Variants in SLC4A10 observed in about 807,000 individuals in gnomAD.
SLC4A10 encodes solute carrier family 4 member 10, also known as sodium-driven chloride bicarbonate exchanger.
In SLC4A10, 42 loss-of-function variants were observed where a neutral mutation model predicts 137.7. The observed-to-expected ratio is 0.30, with a 90% CI of 0.24 to 0.39. The LOEUF (loss-of-function observed/expected upper bound fraction) is 0.39, where lower values mean the gene tolerates loss of function less well. Among genes scored for constraint, SLC4A10 ranks in the 10% least tolerant of loss-of-function variants. SLC4A10 has a pLI of 1.00. For missense variants in SLC4A10, 925 were observed against 1,355.0 expected (o/e 0.68, Z 4.98); for synonymous variants, 474 against 464.1 (o/e 1.02, Z -0.27).
In SLC4A10 at chr2:161,904,190, G is replaced by A. The variant is rs1391012832; in HGVS notation, c.1617+12G>A. The stretch of plus-strand genomic sequence containing the variant: ...CTGAAGGGCGTATAGTATGTATTAT[G>A]CTTTTCTCTGAACTTTGAAACATAA... On this transcript the variant is annotated intron_variant, in intron 13 of 26. Transcript: ENST00000446997. 1.3e-6 allele frequency: 2 copies of A among 1,587,318 alleles called. No individual in the cohort carries two copies. Among genetic ancestry groups the A allele is most frequent in the Non-Finnish European group, 1.7e-6 (2 of 1,165,770 alleles).
intron 10 of SLC4A10, among the ~76,000 whole-genome samples, chr2:161,885,517 G>C (rs1365921281): frequency 6.6e-6 from 1 of 152,008 alleles, no homozygotes; most frequent in Non-Finnish European, 1.5e-5. Context: ...CCTCAGTCAG[G>C]GTTCAATAAA....
intron 8 of SLC4A10, among the ~76,000 whole-genome samples, chr2:161,877,469 T>C (rs2061508336): frequency 6.6e-6 from 1 of 152,052 alleles, no homozygotes; most frequent in Admixed American, 6.6e-5. Context: ...AAATCTTCTA[T>C]TCCCTCCTTG....
chr2:161,836,250 C>A (rs939841349), intron 3 of SLC4A10, among the ~76,000 whole-genome samples: 1 of 152,182 alleles, frequency 6.6e-6, no homozygotes, highest in Admixed American at 6.5e-5. Flanking sequence ...GTAATCCCAG[C>A]ACTTTGGGAG....
chr2:161,974,885 A>T (rs1178308726), intron 24 of SLC4A10, among the ~76,000 whole-genome samples: 1 of 152,146 alleles, frequency 6.6e-6, no homozygotes. Context: ...TTGGCCCAGA[A>T]TTCTCCCCTC....
chr2:161,923,178 C>G (rs1688450884), intron 15 of SLC4A10, among the ~76,000 whole-genome samples: 1 of 152,098 alleles, frequency 6.6e-6, no homozygotes, highest in South Asian at 2.1e-4. Flanking sequence ...CACTCTGTAG[C>G]CATTTATATA....
At chr2:161,654,134 A>G (rs1040334694) in intron 1 of SLC4A10, among the ~76,000 whole-genome samples, 3 of 152,204 alleles carry the variant, frequency 2.0e-5, no homozygotes, top group Non-Finnish European at 4.4e-5. Flanking sequence ...ATGATTAGTG[A>G]CAATGACCGT....
At chr2:161,775,272 G>T (rs2052180158) in intron 2 of SLC4A10, among the ~76,000 whole-genome samples, 2 of 151,806 alleles carry the variant, frequency 1.3e-5, no homozygotes, top group Admixed American at 1.3e-4. Context: ...CAGGAACATG[G>T]TATGCAGCTA....
intron 1 of SLC4A10, among the ~76,000 whole-genome samples, chr2:161,665,945 T>C (rs975232692): frequency 6.8e-6 from 1 of 148,024 alleles, no homozygotes; most frequent in African/African-American, 2.4e-5. Context: ...ATTATATATA[T>C]ATATAATATA....
chr2:161,699,204 TAGAGAC>T (rs2042879353), intron 1 of SLC4A10, among the ~76,000 whole-genome samples: 1 of 152,008 alleles, frequency 6.6e-6, no homozygotes, highest in Non-Finnish European at 1.5e-5. Flanking sequence ...ATTTTTTTAG[TAGAGAC>T]GGGGTTTCAC....
intron 1 of SLC4A10, among the ~76,000 whole-genome samples, chr2:161,744,102 A>G (rs1208850194): frequency 6.6e-6 from 1 of 152,066 alleles, no homozygotes; most frequent in Non-Finnish European, 1.5e-5. Context: ...ATTCCTTTCC[A>G]ATTTGGATGG....
chr2:161,885,685 C>T (rs1345487271), intron 10 of SLC4A10, among the ~76,000 whole-genome samples: 3 of 152,180 alleles, frequency 2.0e-5, no homozygotes. Flanking sequence ...GTGTTGATCC[C>T]TTCACATTCT....
intron 15 of SLC4A10, among the ~76,000 whole-genome samples, chr2:161,935,179 G>A (rs752406123): frequency 3.3e-5 from 5 of 152,056 alleles, no homozygotes; most frequent in Non-Finnish European, 5.9e-5. Context: ...CATCTTTGTC[G>A]AAAATCATTT....
At position 161,881,477 on chromosome 2, in the gene SLC4A10, A is replaced by G. The variant is rs146929093; in HGVS notation, c.1107-880A>G. ...TTTGCCTCATGTAAAAACATGTACA[A>G]TCTCTAAAGATTACAACTAAATGAG... On this transcript the variant is annotated intron_variant, in intron 9 of 26. Coordinates refer to ENST00000446997, the MANE Select transcript of SLC4A10 (RefSeq NM_001178015.2). Among the ~76,000 whole-genome samples the G allele has an allele frequency of 6.7e-4, 102 of 152,156 alleles. 1 individual carries two copies. The East Asian group carries it at 0.016, about 24-fold the overall frequency.
At chr2:161,868,618 A>G (rs916929358) in intron 6 of SLC4A10, among the ~76,000 whole-genome samples, 1 of 151,716 alleles carries the variant, frequency 6.6e-6, no homozygotes, top group Non-Finnish European at 1.5e-5. Context: ...TGAATACTAT[A>G]TAATATATAT....
At chr2:161,935,494 C>T (rs1397878931) in intron 15 of SLC4A10, among the ~76,000 whole-genome samples, 1 of 152,014 alleles carries the variant, frequency 6.6e-6, no homozygotes, top group East Asian at 1.9e-4. Flanking sequence ...AATATCAGTT[C>T]TTCCAATCCA....
chr2:161,700,202 G>T (rs2042980823), intron 1 of SLC4A10, among the ~76,000 whole-genome samples: 1 of 152,156 alleles, frequency 6.6e-6, no homozygotes, highest in African/African-American at 2.4e-5. Context: ...ATCAGTTATG[G>T]AGGTCATCAA....
intron 6 of SLC4A10, among the ~76,000 whole-genome samples, chr2:161,870,411 A>G (rs1380244622): frequency 6.6e-6 from 1 of 151,742 alleles, no homozygotes; most frequent in South Asian, 2.1e-4. Context: ...GAACTAAATA[A>G]TTGTTCTTCC....
intron 1 of SLC4A10, among the ~76,000 whole-genome samples, chr2:161,737,441 G>A (rs1441337967): frequency 6.7e-6 from 1 of 148,478 alleles, no homozygotes; most frequent in Non-Finnish European, 1.5e-5. Context: ...TTTTGTCATT[G>A]GGTAGTAACA....
chr2:161,721,589 C>A (rs1366982396), intron 1 of SLC4A10, among the ~76,000 whole-genome samples: 1 of 152,118 alleles, frequency 6.6e-6, no homozygotes, highest in African/African-American at 2.4e-5. Context: ...TGTAGGTGAC[C>A]TGGCTTTTCT....
Sources: gnomAD v4.1 joint callset for allele counts (sites outside exome capture counted in the v4.1 genomes callset) on GRCh38, gnomAD v4.1.1 for gene constraint, MANE v1.5 for transcripts, NCBI Gene and HGNC (gene_info 2026-07-23, HGNC 2026-07-21) for gene names.